DCC: variants seen among roughly 807,000 people sequenced by gnomAD.
DCC encodes the protein netrin receptor DCC.
Under a neutral mutation model 172.5 loss-of-function variants are expected in DCC, and 58 were observed. The ratio of observed to expected loss-of-function variants is 0.34; its 90% CI spans 0.27 to 0.42. DCC has a LOEUF of 0.42. Among genes scored for constraint, DCC ranks in the 10% least tolerant of loss-of-function variants. The pLI, the probability that DCC is intolerant of heterozygous loss-of-function variation, is 1.00. For synonymous variants in DCC, 709 were observed against 644.5 expected, an observed-to-expected ratio of 1.10 and a Z score of -1.52; for missense variants, 1,740 against 1,791.0, an observed-to-expected ratio of 0.97 and a Z score of 0.51.
At chr18:53,412,716 C>T (rs1306241281) in intron 20 of DCC, among the ~76,000 whole-genome samples, 7 of 152,050 alleles carry the variant, frequency 4.6e-5, no homozygotes, top group Non-Finnish European at 7.4e-5. Context: ...GAACGTCATT[C>T]CTTCATATTT....
At chr18:52,606,806 A>G (rs1168999494) in intron 1 of DCC, among the ~76,000 whole-genome samples, 1 of 152,164 alleles carries the variant, frequency 6.6e-6, no homozygotes, top group Non-Finnish European at 1.5e-5. Flanking sequence ...CAAATTAAGT[A>G]AGTATACTGG....
At position 52,432,878 on chromosome 18, in the gene DCC, T is replaced by A. The variant is rs529128656; in HGVS notation, c.91+92000T>A. Among the ~76,000 whole-genome samples, 23 of 152,148 alleles carry A rather than the reference T, an allele frequency of 1.5e-4. No homozygotes were observed. In the East Asian group the frequency reaches 3.7e-3, roughly 24 times the overall value. On this transcript the variant is annotated intron_variant, in intron 1 of 28. Transcript: ENST00000442544. ...CCCAGATATTGCCTTCTCTGGAGAG[T>A]TGATAGAGGGAAATTGGCAAACGGT... is the stretch of plus-strand genomic sequence containing the variant.
chr18:52,904,497 C>A (rs1192722894), intron 2 of DCC, among the ~76,000 whole-genome samples: 1 of 152,126 alleles, frequency 6.6e-6, no homozygotes, highest in East Asian at 1.9e-4. Flanking sequence ...TTACCTTTGC[C>A]CTTTTGGCCA....
At chr18:52,881,866 A>G (rs915471087) in intron 2 of DCC, among the ~76,000 whole-genome samples, 1 of 152,120 alleles carries the variant, frequency 6.6e-6, no homozygotes, top group African/African-American at 2.4e-5. Context: ...TAGGGATTAC[A>G]TTGAATCTTT....
intron 22 of DCC, among the ~76,000 whole-genome samples, chr18:53,441,852 C>T (rs929062250): frequency 6.6e-6 from 1 of 152,174 alleles, no homozygotes; most frequent in Non-Finnish European, 1.5e-5. Flanking sequence ...GTTAGAGGGT[C>T]TGTGATTGCA....
intron 25 of DCC, among the ~76,000 whole-genome samples, chr18:53,474,782 G>A (rs1170151552): frequency 6.6e-6 from 1 of 152,208 alleles, no homozygotes; most frequent in Non-Finnish European, 1.5e-5. Context: ...TTGCTGTTAA[G>A]ATACTCAAAA....
Position 53,315,937 on chromosome 18 carries a change from A to G in DCC, c.2054-6110A>G, listed in dbSNP as rs1263715294. The stretch of plus-strand genomic sequence containing the variant: ...TAGGTTACCTGTTCACTCTGATAAT[A>G]CTTTCTTTTGCTGTGCAGAAGCTCT... On this transcript the variant is annotated intron_variant, in intron 13 of 28. Transcript: ENST00000442544. 2.0e-5 allele frequency among the ~76,000 whole-genome samples: 3 copies of G among 152,210 alleles called. No individual in the cohort carries two copies. In the East Asian group the frequency reaches 5.8e-4, roughly 29 times the overall value.
chr18:53,097,906 C>T (rs973722778), intron 7 of DCC, among the ~76,000 whole-genome samples: 28 of 152,038 alleles, frequency 1.8e-4, no homozygotes, highest in African/African-American at 6.3e-4. Context: ...CTCACTTAAC[C>T]TTAATTACCT....
At chr18:53,158,232 C>T (rs534577907) in intron 8 of DCC, among the ~76,000 whole-genome samples, 1 of 152,246 alleles carries the variant, frequency 6.6e-6, no homozygotes, top group South Asian at 2.1e-4. Context: ...ATATCAGTGT[C>T]CAGTACTTGG....
intron 1 of DCC, among the ~76,000 whole-genome samples, chr18:52,676,709 G>A (rs546615160): frequency 2.6e-5 from 4 of 152,250 alleles, no homozygotes; most frequent in African/African-American, 7.2e-5. Flanking sequence ...CAAGTGCAAC[G>A]TGAGATCAGC....
intron 15 of DCC, among the ~76,000 whole-genome samples, chr18:53,351,495 G>GTATA (rs10585229): frequency 1.4e-4 from 11 of 79,756 alleles, no homozygotes; most frequent in African/African-American, 4.9e-4. Context: ...TATATAGTGT[G>GTATA]TATATATATA....
intron 2 of DCC, among the ~76,000 whole-genome samples, chr18:52,878,103 A>G (rs553792565): frequency 1.3e-5 from 2 of 151,930 alleles, no homozygotes; most frequent in African/African-American, 4.8e-5. Context: ...GGTTTCCTCC[A>G]TATTTCCTAA....
intron 1 of DCC, among the ~76,000 whole-genome samples, chr18:52,685,536 C>T (rs1053129638): frequency 6.6e-6 from 1 of 152,022 alleles, no homozygotes; most frequent in Non-Finnish European, 1.5e-5. Context: ...GAGTAATGCC[C>T]TCTCTCAGGA....
intron 12 of DCC, among the ~76,000 whole-genome samples, chr18:53,300,664 C>A (rs1202245877): frequency 6.6e-6 from 1 of 152,148 alleles, no homozygotes; most frequent in Non-Finnish European, 1.5e-5. Flanking sequence ...GGAACCTAAA[C>A]CTATATTTCC....
intron 12 of DCC, among the ~76,000 whole-genome samples, chr18:53,246,192 G>T (rs2056363188): frequency 6.6e-6 from 1 of 152,022 alleles, no homozygotes; most frequent in Non-Finnish European, 1.5e-5. Context: ...TCAGTCAGGA[G>T]GCCAGGCTTT....
At position 52,340,547 on chromosome 18, in the gene DCC, C is replaced by T; in HGVS notation, c.-241C>T. On this transcript the variant is annotated 5_prime_UTR_variant, in exon 1 of 29. Transcript: ENST00000442544. Reference sequence around the variant, plus strand: ...TACCGGGGCTCGGGATCTCTTGGACCGAATGGAACTTTTTGCTGCCTGCTT... The same window carrying T: ...TACCGGGGCTCGGGATCTCTTGGACTGAATGGAACTTTTTGCTGCCTGCTT... 1 of 597,574 alleles carries T rather than the reference C, an allele frequency of 1.7e-6. No individual in the cohort carries two copies. The highest frequency in any genetic ancestry group is 1.9e-5 in the South Asian group (1 of 51,700). 37.0% of individuals were successfully genotyped at this position (597,574 alleles called of 1,614,324 possible). A position where few individuals can be genotyped will look rare whatever the true frequency, so the allele number is the denominator to read the frequency against.
chr18:52,585,042 A>G (rs1278630913), intron 1 of DCC, among the ~76,000 whole-genome samples: 1 of 152,236 alleles, frequency 6.6e-6, no homozygotes, highest in Non-Finnish European at 1.5e-5. Context: ...AGTAGCTAAC[A>G]TATCACTAAG....
chr18:53,435,832 C>T (rs534225543), intron 22 of DCC, among the ~76,000 whole-genome samples: 73 of 152,260 alleles, frequency 4.8e-4, no homozygotes, highest in African/African-American at 1.7e-3. Context: ...GTGGGGGCTG[C>T]ATTCCAGGAT....
intron 1 of DCC, among the ~76,000 whole-genome samples, chr18:52,420,881 G>A (rs1430951233): frequency 6.6e-6 from 1 of 152,096 alleles, no homozygotes; most frequent in African/African-American, 2.4e-5. Flanking sequence ...AGCATCTGGT[G>A]TGGGCAGAAT....
Sources: allele counts gnomAD v4.1 joint callset (sites outside exome capture counted in the v4.1 genomes callset), GRCh38; gene constraint gnomAD v4.1.1; transcripts MANE v1.5; gene names NCBI Gene and HGNC (gene_info 2026-07-23, HGNC 2026-07-21).